Variants in SYNE2 observed in about 807,000 individuals in gnomAD.
SYNE2 encodes spectrin repeat containing nuclear envelope protein 2, also known as nesprin-2.
Under a neutral mutation model 856.3 loss-of-function variants are expected in SYNE2, and 431 were observed. The ratio of observed to expected loss-of-function variants is 0.50; its 90% CI spans 0.47 to 0.55. The LOEUF (loss-of-function observed/expected upper bound fraction) is 0.55, where lower values mean the gene tolerates loss of function less well. Ranked by LOEUF, SYNE2 falls within the 20% of genes least tolerant of loss-of-function variation. The pLI is 0.00. For missense variants in SYNE2, 8,129 were observed against 8,023.2 expected, an observed-to-expected ratio of 1.01 and a Z score of -0.50; for synonymous variants, 2,923 against 2,872.3, an observed-to-expected ratio of 1.02 and a Z score of -0.56.
chr14:63,964,110 GA>G, intron 10 of SYNE2, 110 bp downstream of exon 10: 1 of 745,856 alleles, frequency 1.3e-6, no homozygotes. Flanking sequence ...TAAATTCACT[GA>G]AAGTTTTAAG....
At position 64,049,876 on chromosome 14, in the gene SYNE2, T is replaced by A. The variant is rs1232505609; in HGVS notation, c.7643T>A (p.Val2548Glu). The change falls in exon 47 of 116, where the codon GTA (valine) becomes GAA (glutamate). Residue 2548 changes from valine to glutamate, a missense_variant and splice_region_variant. Physicochemically the swap from Val to Glu is moderately radical, Grantham distance 121. This residue lies in a region of SYNE2 where 5,410 missense variants were observed against 5,284.8 expected (regional missense o/e 1.02). Coordinates refer to ENST00000555002, the MANE Select transcript of SYNE2 (RefSeq NM_182914.3). The stretch of plus-strand genomic sequence containing the variant: ...TTGACAGACAAGGAAAGTCTTAAAG[T>A]GTAAGTGTAAGAATTTAGGACTTGC... ...ALLTDKESLKVGPLDSVTYLD... is the reference protein window; with the variant it reads ...ALLTDKESLKEGPLDSVTYLD... 3 of 1,613,806 alleles carry A rather than the reference T, an allele frequency of 1.9e-6. No homozygotes were observed. Among genetic ancestry groups the A allele is most frequent in the Non-Finnish European group, 2.5e-6 (3 of 1,179,802 alleles).
At chr14:64,148,827 A>G (rs990784392) in intron 84 of SYNE2, among the ~76,000 whole-genome samples, 3 of 152,154 alleles carry the variant, frequency 2.0e-5, no homozygotes, top group Non-Finnish European at 4.4e-5. Flanking sequence ...TCTGTCGTCT[A>G]CCAGATTGTG....
At chr14:64,125,629 G>A (rs1298351596) in intron 71 of SYNE2, among the ~76,000 whole-genome samples, 1 of 152,126 alleles carries the variant, frequency 6.6e-6, no homozygotes, top group Non-Finnish European at 1.5e-5. Context: ...TTGGAGTGAT[G>A]ACTAGCTATG....
intron 43 of SYNE2, among the ~76,000 whole-genome samples, 185 bp from the exon 44 acceptor site, chr14:64,029,710 G>T (rs1306768925): frequency 6.6e-6 from 1 of 152,050 alleles, no homozygotes; most frequent in East Asian, 1.9e-4. Context: ...ATTTTTTTGC[G>T]GGGGAGATGG....
chr14:64,046,651 T>A (rs113944592), intron 45 of SYNE2, among the ~76,000 whole-genome samples: 3,914 of 152,306 alleles, frequency 0.026, 74 homozygotes, highest in Middle Eastern at 0.065. Context: ...CCACTGTGCC[T>A]GGCCAATTTA....
At position 64,151,647 on chromosome 14, in the gene SYNE2, C is replaced by G. The variant is rs537113824; in HGVS notation, c.15640-917C>G. On this transcript the variant is annotated intron_variant, in intron 84 of 115. Transcript: ENST00000555002. ...TGAGCTAAGGGTCGTTATCTTGAGG[C>G]CATGCATTCAGAACACATGCATCTG... Among the ~76,000 whole-genome samples the G allele has an allele frequency of 1.4e-4, 22 of 152,056 alleles. No homozygotes were observed. In the South Asian group the frequency reaches 4.6e-3, roughly 32 times the overall value.
At position 63,949,835 on chromosome 14, in the gene SYNE2, T is replaced by G. The variant is rs1455082073; in HGVS notation, c.419T>G (p.Leu140Arg). ...TIILHFHIEK[L>R]AQTLSCNYNQ... ...CTTTGCCTTCCTTAGATTGAGAAGC[T>G]TGCCCAGACTCTTTCTTGCAATTAC... Residue 140 changes from leucine (L) to arginine (R), a missense_variant, in exon 7 of 116, where the codon CTT becomes CGT. Coordinates refer to ENST00000555002, the MANE Select transcript of SYNE2 (RefSeq NM_182914.3). The G allele has an allele frequency of 6.2e-7, 1 of 1,614,068 alleles. No homozygotes were observed. The highest frequency in any genetic ancestry group is 1.3e-5 in the African/African-American group (1 of 74,936).
At chr14:63,841,994 G>A (rs534878772) in intron 1 of SYNE2, among the ~76,000 whole-genome samples, 9 of 151,294 alleles carry the variant, frequency 5.9e-5, no homozygotes, top group South Asian at 2.1e-4. Flanking sequence ...CACCATGCCC[G>A]GCTAATTTTT....
At chr14:63,971,931 C>G (rs936547929) in intron 11 of SYNE2, among the ~76,000 whole-genome samples, 2 of 152,008 alleles carry the variant, frequency 1.3e-5, no homozygotes, top group African/African-American at 2.4e-5. Flanking sequence ...CTGTGTGGTC[C>G]ACAAGTCAAA....
At chr14:63,780,204 A>C (rs1008644808) in intron 1 of SYNE2, among the ~76,000 whole-genome samples, 1 of 152,204 alleles carries the variant, frequency 6.6e-6, no homozygotes, top group Non-Finnish European at 1.5e-5. Context: ...ACTACAAAAC[A>C]AACTGTACTA....
intron 92 of SYNE2, 34 bp from the exon 93 acceptor site, chr14:64,168,843 C>G (rs774007078): frequency 7.9e-6 from 11 of 1,399,890 alleles, no homozygotes; most frequent in African/African-American, 2.8e-5. Flanking sequence ...ATGAATTTTA[C>G]TAGCTGATAT....
At chr14:63,897,577 G>T (rs552324465) in intron 1 of SYNE2, among the ~76,000 whole-genome samples, 35 of 152,302 alleles carry the variant, frequency 2.3e-4, no homozygotes, top group Non-Finnish European at 4.6e-4. Flanking sequence ...TGAGCATCAG[G>T]CAGATGTGAG....
intron 1 of SYNE2, among the ~76,000 whole-genome samples, chr14:63,834,211 A>G (rs1394268173): frequency 1.3e-5 from 2 of 152,122 alleles, no homozygotes; most frequent in Non-Finnish European, 2.9e-5. Flanking sequence ...TTCAATACAA[A>G]TATTAACCAG....
intron 1 of SYNE2, among the ~76,000 whole-genome samples, chr14:63,839,039 C>CT (rs996572530): frequency 9.0e-5 from 13 of 143,814 alleles, no homozygotes; most frequent in East Asian, 5.9e-4. Flanking sequence ...ATTTCTTCTT[C>CT]TTTTTTTTTT....
intron 31 of SYNE2, 73 bp from the exon 32 acceptor site, chr14:64,009,893 G>C: frequency 7.5e-7 from 1 of 1,328,698 alleles, no homozygotes. Flanking sequence ...CATTTATGTG[G>C]GATACTTGCA....
intron 96 of SYNE2, among the ~76,000 whole-genome samples, chr14:64,178,203 A>T (rs1263419459): frequency 6.6e-6 from 1 of 152,212 alleles, no homozygotes; most frequent in Non-Finnish European, 1.5e-5. Context: ...TTAGGCCAGA[A>T]ATTAGTGTCT....
chr14:64,150,401 T>C (rs1216952958), intron 84 of SYNE2, among the ~76,000 whole-genome samples: 3 of 152,100 alleles, frequency 2.0e-5, no homozygotes, highest in East Asian at 3.9e-4. Context: ...TGTATTTTTT[T>C]GTAACGGCAG....
At chr14:64,165,246 C>T in intron 89 of SYNE2, 39 bp from the exon 90 acceptor site, 1 of 1,602,952 alleles carries the variant, frequency 6.2e-7, no homozygotes, top group Non-Finnish European at 8.5e-7. Context: ...TTTATATGTA[C>T]ATGAAAATAG....
chr14:63,965,374 C>T (rs2096377115), intron 10 of SYNE2, among the ~76,000 whole-genome samples: 2 of 152,074 alleles, frequency 1.3e-5, no homozygotes, highest in African/African-American at 4.8e-5. Context: ...TAATAAGTGG[C>T]TTATTTAAGG....
Sources: allele counts gnomAD v4.1 joint callset (sites outside exome capture counted in the v4.1 genomes callset), GRCh38; gene constraint gnomAD v4.1.1; regional missense constraint gnomAD v4.1.1; transcripts MANE v1.5; gene names NCBI Gene and HGNC (gene_info 2026-07-23, HGNC 2026-07-21).